The following FBXO28 variants were observed in gnomAD, a reference collection of about 807,000 sequenced individuals.
FBXO28 encodes F-box protein 28.
FBXO28 carries 8 observed loss-of-function variants against 38.1 expected under a neutral mutation model. That is an observed-to-expected ratio of 0.21 (90% confidence interval 0.12 to 0.38). The LOEUF (loss-of-function observed/expected upper bound fraction) is 0.38, where lower values mean the gene tolerates loss of function less well. Among genes scored for constraint, FBXO28 ranks in the 10% least tolerant of loss-of-function variants. The pLI is 1.00. For missense variants in FBXO28, 345 were observed against 460.6 expected, an observed-to-expected ratio of 0.75 and a Z score of 2.30; for synonymous variants, 168 against 173.8, an observed-to-expected ratio of 0.97 and a Z score of 0.26.
intron 2 of FBXO28, among the ~76,000 whole-genome samples, chr1:224,131,289 C>CT (rs201830844): frequency 7.8e-4 from 113 of 144,990 alleles, no homozygotes; most frequent in East Asian, 3.2e-3. Flanking sequence ...ATTCAGCTGT[C>CT]TTTTTTTTTT....
Position 224,161,825 on chromosome 1 carries a change from G to GC in FBXO28, c.*4080dup, listed in dbSNP as rs2102641651. The GC allele has an allele frequency of 6.6e-6, 1 of 152,226 alleles. No homozygotes were observed. Among genetic ancestry groups the GC allele is most frequent in the East Asian group, 1.9e-4 (1 of 5,182 alleles). The allele number at this position is 152,226 out of a possible 1,614,324, so 9.4% of individuals were successfully genotyped here. On this transcript the variant is annotated 3_prime_UTR_variant, in exon 5 of 5. Transcript: ENST00000366862. The stretch of plus-strand genomic sequence containing the variant: ...TATTGGTAATCTATTAGGTCCATTG[G>GC]CAAAGTATATTGGTCCATATTCAAA...
At chr1:224,118,850 C>A (rs955752319) in intron 1 of FBXO28, among the ~76,000 whole-genome samples, 6 of 152,130 alleles carry the variant, frequency 3.9e-5, no homozygotes, top group Non-Finnish European at 7.3e-5. Context: ...TTGGAAAATT[C>A]TAGAAAACAC....
chr1:224,118,187 G>T (rs1656689381), intron 1 of FBXO28, among the ~76,000 whole-genome samples: 1 of 151,856 alleles, frequency 6.6e-6, no homozygotes, highest in Non-Finnish European at 1.5e-5. Flanking sequence ...CTAGGCTCAA[G>T]TGGTCCGCCC....
At chr1:224,139,988 G>A (rs1349788189) in intron 3 of FBXO28, among the ~76,000 whole-genome samples, 3 of 152,142 alleles carry the variant, frequency 2.0e-5, no homozygotes, top group Non-Finnish European at 4.4e-5. Flanking sequence ...CTCCTTGGGC[G>A]GCTGAGGTGG....
At chr1:224,124,344 C>A (rs1191674865) in intron 1 of FBXO28, among the ~76,000 whole-genome samples, 1 of 152,208 alleles carries the variant, frequency 6.6e-6, no homozygotes, top group African/African-American at 2.4e-5. Flanking sequence ...TTATTCTATT[C>A]ATTCCCTTTT....
intron 3 of FBXO28, among the ~76,000 whole-genome samples, chr1:224,144,302 GA>G (rs553418870): frequency 2.3e-5 from 3 of 129,214 alleles, no homozygotes; most frequent in African/African-American, 8.7e-5. Flanking sequence ...CGTCTCTACA[GA>G]AAAAAAAAAT....
At chr1:224,118,081 C>T (rs1216006394) in intron 1 of FBXO28, among the ~76,000 whole-genome samples, 1 of 151,508 alleles carries the variant, frequency 6.6e-6, no homozygotes, top group Non-Finnish European at 1.5e-5. Context: ...TGGAATGCAG[C>T]GGCGTGATCA....
intron 3 of FBXO28, among the ~76,000 whole-genome samples, chr1:224,135,624 A>AGAAAAAG (rs1553289989): frequency 7.1e-4 from 36 of 50,580 alleles, no homozygotes; most frequent in Non-Finnish European, 1.5e-3. Context: ...AAAAAAAAAA[A>AGAAAAAG]AAAAAAAAAA....
intron 3 of FBXO28, among the ~76,000 whole-genome samples, chr1:224,138,860 CA>C (rs1657262967): frequency 6.6e-6 from 1 of 151,768 alleles, no homozygotes; most frequent in Non-Finnish European, 1.5e-5. Context: ...CGGCTTACTG[CA>C]ACCTCCGCCT....
chr1:224,131,499 A>G (rs1036368518), intron 2 of FBXO28, among the ~76,000 whole-genome samples: 14 of 152,236 alleles, frequency 9.2e-5, no homozygotes, highest in African/African-American at 3.4e-4. Flanking sequence ...AGCAAAAGCA[A>G]AAGTCTGGAT....
At chr1:224,123,529 G>A (rs1055578795) in intron 1 of FBXO28, among the ~76,000 whole-genome samples, 14 of 147,662 alleles carry the variant, frequency 9.5e-5, no homozygotes, top group African/African-American at 3.2e-4. Context: ...TAACATTTTT[G>A]AAATCAGTGC....
rs1416989344 is a variant in FBXO28 at position 224,158,181 on chromosome 1, T to A, written c.*435T>A. 3 of 987,218 alleles carry A rather than the reference T, an allele frequency of 3.0e-6. No homozygotes were observed. The highest frequency in any genetic ancestry group is 3.5e-5 in the African/African-American group (2 of 57,240). 61.2% of individuals were successfully genotyped at this position (987,218 alleles called of 1,614,324 possible). ...GACACTATCTTGGTTCTTTTTTTTT[T>A]AAGTCATCTTTTTGTTATAAGTGAC... On this transcript the variant is annotated 3_prime_UTR_variant, in exon 5 of 5. Coordinates refer to ENST00000366862, the MANE Select transcript of FBXO28 (RefSeq NM_015176.4).
chr1:224,160,060 C>T lies in FBXO28; in HGVS notation c.*2314C>T, dbSNP rs1445813030. On this transcript the variant is annotated 3_prime_UTR_variant, in exon 5 of 5. Transcript: ENST00000366862. ...CATGCAGTAGGAGAATAAAGCACTACAGTTCGGTTGTTCAAATCTTAAATC... is the reference window on the plus strand; with the variant it reads ...CATGCAGTAGGAGAATAAAGCACTATAGTTCGGTTGTTCAAATCTTAAATC... 3 of 152,180 alleles carry T rather than the reference C, an allele frequency of 2.0e-5. No individual in the cohort carries two copies. Among genetic ancestry groups the T allele is most frequent in the Admixed American group, 1.3e-4 (2 of 15,282 alleles). The allele number at this position is 152,180 out of a possible 1,614,324, so 9.4% of individuals were successfully genotyped here.
intron 3 of FBXO28, among the ~76,000 whole-genome samples, chr1:224,144,025 C>A (rs1657435509): frequency 6.6e-6 from 1 of 151,618 alleles, no homozygotes; most frequent in Non-Finnish European, 1.5e-5. Flanking sequence ...GTGGCATGCA[C>A]CTGTAATCCC....
At chr1:224,138,387 G>A (rs73124471) in intron 3 of FBXO28, among the ~76,000 whole-genome samples, 2,106 of 151,968 alleles carry the variant, frequency 0.014, 104 homozygotes, top group African/African-American at 0.048. Context: ...CGTGTGCAAT[G>A]TGTGGTAAAT....
chr1:224,122,352 T>G (rs567125141), intron 1 of FBXO28, among the ~76,000 whole-genome samples: 1 of 152,322 alleles, frequency 6.6e-6, no homozygotes, highest in African/African-American at 2.4e-5. Flanking sequence ...CATTCTTATT[T>G]TACCAAACCA....
At position 224,114,368 on chromosome 1, in the gene FBXO28, C is replaced by T; in HGVS notation, c.239C>T (p.Ser80Phe). 1 of 1,594,942 alleles carries T rather than the reference C, an allele frequency of 6.3e-7. No homozygotes were observed. The highest frequency in any genetic ancestry group is 8.5e-7 in the Non-Finnish European group (1 of 1,170,140). ...ATCGAGAACATCCTCAGCTTTATGT[C>T]CTACGACGAAATTAGCCAGCTCCGC... ...VAIENILSFM[S>F]YDEISQLRLV... The change falls in exon 1 of 5, where the codon TCC becomes TTC. Residue 80 changes from serine to phenylalanine, a missense_variant. Coordinates refer to ENST00000366862, the MANE Select transcript of FBXO28 (RefSeq NM_015176.4).
chr1:224,153,146 T>C lies in FBXO28; in HGVS notation c.521T>C (p.Ile174Thr). ...NLCCFIPGKV[I>T]DEIYRVLRYV... ...AATGAGAATTCATTATTTTAGGTGA[T>C]TGATGAGATTTATCGTGTGTTGAGA... Residue 174 changes from isoleucine (I) to threonine (T), a missense_variant, in exon 4 of 5, where the codon ATT becomes ACT. Coordinates refer to ENST00000366862, the MANE Select transcript of FBXO28 (RefSeq NM_015176.4). 6.3e-7 allele frequency: 1 copy of C among 1,588,014 alleles called. No individual in the cohort carries two copies. Among genetic ancestry groups the C allele is most frequent in the East Asian group, 2.2e-5 (1 of 44,582 alleles).
chr1:224,151,137 T>C (rs983111994), intron 3 of FBXO28, among the ~76,000 whole-genome samples: 2 of 152,222 alleles, frequency 1.3e-5, no homozygotes, highest in Admixed American at 6.5e-5. Flanking sequence ...ATAGTAATAT[T>C]GCCAGAAATA....
Sources: gnomAD v4.1 joint callset for allele counts (sites outside exome capture counted in the v4.1 genomes callset) on GRCh38, gnomAD v4.1.1 for gene constraint, MANE v1.5 for transcripts, NCBI Gene and HGNC (gene_info 2026-07-23, HGNC 2026-07-21) for gene names.